Variants in SCGB2B2 observed in about 807,000 individuals in gnomAD.
SCGB2B2 encodes secretoglobin-like protein.
Under a neutral mutation model 7.6 loss-of-function variants are expected in SCGB2B2, and 11 were observed. The ratio of observed to expected loss-of-function variants is 1.45; its 90% CI spans 0.91 to 2.40. The LOEUF is 2.40. SCGB2B2 is among the 30% of genes most tolerant of loss of function. SCGB2B2 has a pLI of 0.00. For missense variants in SCGB2B2, 104 were observed against 115.4 expected (o/e 0.90, Z 0.45); for synonymous variants, 50 against 48.6 (o/e 1.03, Z -0.12).
chr19:34,594,674 TG>T lies in SCGB2B2; in HGVS notation c.-112del, dbSNP rs1368974002. ...CTTCGTGTGTGTGTGTGTGTGTGTG[TG>T]TGTGTGTGTGTGTGTGTGTGTGTGT... On this transcript the variant is annotated 5_prime_UTR_variant, in exon 2 of 4. An upstream open reading frame in the 5' UTR loses its in-frame stop. Coordinates refer to ENST00000601241, the MANE Select transcript of SCGB2B2 (RefSeq NM_001025591.4). 3.1e-5 allele frequency: 23 copies of T among 730,212 alleles called. No individual in the cohort carries two copies. The highest frequency in any genetic ancestry group is 4.8e-5 in the Non-Finnish European group (20 of 413,042). 45.2% of individuals were successfully genotyped at this position (730,212 alleles called of 1,614,324 possible). A position where few individuals can be genotyped will look rare whatever the true frequency, so the allele number is the denominator to read the frequency against.
At chr19:34,665,441 G>A (rs562006311) in intron 1 of SCGB2B2, among the ~76,000 whole-genome samples, 1 of 152,256 alleles carries the variant, frequency 6.6e-6, no homozygotes, top group Admixed American at 6.5e-5. Flanking sequence ...GTGACTCCCT[G>A]GCCACCAGCC....
chr19:34,586,641 C>G (rs2065194934), downstream of SCGB2B2, among the ~76,000 whole-genome samples: 1 of 152,140 alleles, frequency 6.6e-6, no homozygotes, highest in Admixed American at 6.5e-5. Flanking sequence ...GTGATACTCA[C>G]TATTTTTGAT....
intron 1 of SCGB2B2, among the ~76,000 whole-genome samples, chr19:34,656,207 T>C (rs2067277519): frequency 1.3e-5 from 2 of 151,410 alleles, no homozygotes; most frequent in Admixed American, 6.5e-5. Context: ...ACAAAATTAT[T>C]TGATGTAATT....
intron 1 of SCGB2B2, among the ~76,000 whole-genome samples, chr19:34,600,518 T>C (rs1021048894): frequency 6.6e-6 from 1 of 152,216 alleles, no homozygotes; most frequent in Non-Finnish European, 1.5e-5. Flanking sequence ...CACTGTAGTA[T>C]TTCCTGCTGC....
At chr19:34,665,173 C>T (rs1370919902) in intron 1 of SCGB2B2, among the ~76,000 whole-genome samples, 3 of 152,200 alleles carry the variant, frequency 2.0e-5, no homozygotes, top group Non-Finnish European at 4.4e-5. Context: ...TTGCGTCCCT[C>T]CTGTGCCCAG....
chr19:34,654,047 G>A (rs1215051447), intron 1 of SCGB2B2, among the ~76,000 whole-genome samples: 1 of 150,978 alleles, frequency 6.6e-6, no homozygotes, highest in East Asian at 1.9e-4. Context: ...ATCACATGAT[G>A]TTGGTTGTGA....
chr19:34,626,649 G>C (rs1429015690), intron 1 of SCGB2B2, among the ~76,000 whole-genome samples: 1 of 152,222 alleles, frequency 6.6e-6, no homozygotes, highest in East Asian at 1.9e-4. Flanking sequence ...ACCTGAAAGT[G>C]ATGGGGAGAA....
At chr19:34,614,464 AATT>A (rs139797575) in intron 1 of SCGB2B2, among the ~76,000 whole-genome samples, 2,656 of 152,060 alleles carry the variant, frequency 0.017, 86 homozygotes, top group African/African-American at 0.059. Flanking sequence ...TCTGTTTTTT[AATT>A]ATTATTCCTA....
intron 1 of SCGB2B2, chr19:34,635,055 G>A (rs1600057880): frequency 6.7e-6 from 2 of 296,846 alleles, no homozygotes; most frequent in Non-Finnish European, 7.0e-6. Flanking sequence ...GAGCAAGTGT[G>A]ATTTTGCAGC....
intron 1 of SCGB2B2, among the ~76,000 whole-genome samples, chr19:34,644,285 C>T (rs2066925971): frequency 6.6e-6 from 1 of 151,582 alleles, no homozygotes. Flanking sequence ...CCTCCTGCCT[C>T]AGCCTCCCAA....
chr19:34,664,473 CA>C (rs1197724022), intron 1 of SCGB2B2, among the ~76,000 whole-genome samples: 1 of 152,152 alleles, frequency 6.6e-6, no homozygotes, highest in Non-Finnish European at 1.5e-5. Context: ...GTGTCACAAG[CA>C]AGTAGGTGGC....
At position 34,664,985 on chromosome 19, in the gene SCGB2B2, G is replaced by A. The variant is rs117539223; in HGVS notation, c.-2032+10645C>T. ...CAGGGCACCTCCTGCCCAGGTGTTTGGCACAGGGGACGCCCCCACACCGGC... is the reference window on the plus strand; with the variant it reads ...CAGGGCACCTCCTGCCCAGGTGTTTAGCACAGGGGACGCCCCCACACCGGC... On this transcript the variant is annotated intron_variant, in intron 1 of 3. Coordinates refer to ENST00000601241, the MANE Select transcript of SCGB2B2 (RefSeq NM_001025591.4). 6.6e-3 allele frequency among the ~76,000 whole-genome samples: 1,011 copies of A among 152,174 alleles called. 8 individuals carry two copies. The highest frequency in any genetic ancestry group is 0.011 in the Non-Finnish European group (765 of 67,988).
At chr19:34,598,980 G>A (rs2065539723) in intron 1 of SCGB2B2, among the ~76,000 whole-genome samples, 1 of 152,260 alleles carries the variant, frequency 6.6e-6, no homozygotes, top group Non-Finnish European at 1.5e-5. Flanking sequence ...TCTCTGCCAG[G>A]CACCATTGGC....
Position 34,637,536 on chromosome 19 carries a change from C to T in SCGB2B2, c.-2032+38094G>A, listed in dbSNP as rs116101741. Among the ~76,000 whole-genome samples, 1,090 of 152,120 alleles carry T rather than the reference C, an allele frequency of 7.2e-3. 17 individuals are homozygous for T. The highest frequency in any genetic ancestry group is 0.025 in the African/African-American group (1,033 of 41,472). ...CATCGCAGACAGACACCGGGTCCAT[C>T]GTGAGTCCCTCGAGCTTCAATTCTT... On this transcript the variant is annotated intron_variant, in intron 1 of 3. Transcript: ENST00000601241.
rs183561663 is a variant in SCGB2B2, at chr19:34,630,355, A to G, written c.-2031-33761T>C. ...TACAAAATGGGAGAAAATTTTTGCA[A>G]TCTACTCATCTGACAAAGGGCTAAT... is the stretch of plus-strand genomic sequence containing the variant. On this transcript the variant is annotated intron_variant, in intron 1 of 3. Transcript: ENST00000601241. Among the ~76,000 whole-genome samples the G allele has an allele frequency of 7.7e-3, 1,165 of 152,116 alleles. 33 individuals are homozygous for G. Among genetic ancestry groups the G allele is most frequent in the Non-Finnish European group, 0.013 (855 of 67,942 alleles).
intron 1 of SCGB2B2, 118 bp downstream of exon 1, chr19:34,675,512 A>G (rs955006057): frequency 8.5e-5 from 13 of 152,220 alleles, no homozygotes; most frequent in Non-Finnish European, 1.5e-5. Flanking sequence ...AAGTCACAGG[A>G]TAACATTGGA....
In SCGB2B2 at chr19:34,593,588, A is replaced by G. The variant is rs1268879591; in HGVS notation, c.258T>C (p.Leu86=). ...FAHSVVIKKI[L]QSNDCIEAAF ...CTGCTTCTATGCAATCGTTGCTCTG[A>G]AGGATCTTCTTCTGTTGGAAAAAGA... is the stretch of plus-strand genomic sequence containing the variant. Residue 86 remains leucine, a synonymous_variant, in exon 4 of 4, where the codon CTT becomes CTC. Transcript: ENST00000601241. 1.3e-6 allele frequency: 2 copies of G among 1,553,292 alleles called. No homozygotes were observed. The highest frequency in any genetic ancestry group is 1.4e-5 in the African/African-American group (1 of 73,198).
At chr19:34,620,156 T>G (rs962678672) in intron 1 of SCGB2B2, among the ~76,000 whole-genome samples, 4 of 152,140 alleles carry the variant, frequency 2.6e-5, no homozygotes, top group Non-Finnish European at 5.9e-5. Context: ...TAATAATCTT[T>G]TCTTAATTGG....
intron 1 of SCGB2B2, among the ~76,000 whole-genome samples, chr19:34,634,366 G>A (rs992213193): frequency 6.6e-6 from 1 of 152,292 alleles, no homozygotes; most frequent in East Asian, 1.9e-4. Context: ...TTGCCAGCTG[G>A]TAGAGGTGAA....
Sources: allele counts gnomAD v4.1 joint callset (sites outside exome capture counted in the v4.1 genomes callset), GRCh38; gene constraint gnomAD v4.1.1; transcripts MANE v1.5; gene names NCBI Gene and HGNC (gene_info 2026-07-23, HGNC 2026-07-21).